TYW1: variants seen among roughly 807,000 people sequenced by gnomAD.
TYW1 encodes the protein tRNA-yW synthesizing protein 1 homolog.
A neutral mutation model predicts 96.2 loss-of-function variants in TYW1; 46 were observed. The ratio of observed to expected loss-of-function variants is 0.48; its 90% CI spans 0.38 to 0.61. The LOEUF is 0.61. Among genes scored for constraint, TYW1 ranks in the 20% least tolerant of loss-of-function variants. The pLI is 0.00. For missense variants in TYW1, 684 were observed against 909.6 expected (o/e 0.75, Z 3.19); for synonymous variants, 274 against 323.0 (o/e 0.85, Z 1.63).
chr7:67,235,663 G>C (rs534162309), intron 15 of TYW1, among the ~76,000 whole-genome samples: 27 of 152,070 alleles, frequency 1.8e-4, no homozygotes, highest in Non-Finnish European at 2.9e-4. Context: ...AGGCCGAGAT[G>C]GGCGGATCAC....
chr7:67,182,747 G>GAT (rs10626813), intron 13 of TYW1, among the ~76,000 whole-genome samples: 42,692 of 151,974 alleles, frequency 0.28, 6,492 homozygotes, highest in African/African-American at 0.4. Context: ...CAACTTGGGT[G>GAT]ATTATTACCT....
intron 7 of TYW1, among the ~76,000 whole-genome samples, chr7:67,033,134 C>T (rs190365773): frequency 2.0e-3 from 310 of 151,944 alleles, no homozygotes; most frequent in African/African-American, 6.8e-3. Flanking sequence ...TTACCTCAGG[C>T]GATCCTCCTG....
At chr7:67,076,328 A>C (rs995342748) in intron 10 of TYW1, among the ~76,000 whole-genome samples, 2 of 152,222 alleles carry the variant, frequency 1.3e-5, no homozygotes, top group Admixed American at 6.5e-5. Flanking sequence ...AGAAAGTAAA[A>C]AAATGGCCTT....
intron 11 of TYW1, among the ~76,000 whole-genome samples, chr7:67,084,370 CAT>C (rs753532661): frequency 5.9e-5 from 9 of 152,192 alleles, no homozygotes; most frequent in Non-Finnish European, 1.2e-4. Flanking sequence ...AATTCTGTCT[CAT>C]ATTAACAAAT....
chr7:67,144,493 C>G (rs1282045469), intron 13 of TYW1, among the ~76,000 whole-genome samples: 1 of 151,886 alleles, frequency 6.6e-6, no homozygotes, highest in Non-Finnish European at 1.5e-5. Context: ...TTTTTTTGAG[C>G]TGGAGTCTTG....
At chr7:67,134,541 CAA>C (rs397947738) in intron 13 of TYW1, among the ~76,000 whole-genome samples, 3 of 137,258 alleles carry the variant, frequency 2.2e-5, no homozygotes, top group Non-Finnish European at 3.2e-5. Flanking sequence ...GACTTCATCT[CAA>C]AAAAAAAAAA....
At chr7:67,176,023 C>T (rs191809409) in intron 13 of TYW1, among the ~76,000 whole-genome samples, 2,625 of 152,080 alleles carry the variant, frequency 0.017, 69 homozygotes, top group African/African-American at 0.059. Context: ...TGTAATTATT[C>T]GCTTTAATAA....
chr7:67,124,332 C>G (rs1478039582), intron 13 of TYW1, among the ~76,000 whole-genome samples: 7 of 152,156 alleles, frequency 4.6e-5, no homozygotes. Flanking sequence ...CTCCTGGACT[C>G]AAGCAATCCT....
In TYW1 at chr7:67,195,025, C is replaced by T. The variant is rs188055157; in HGVS notation, c.1810-145C>T. On this transcript the variant is annotated intron_variant, in intron 14 of 15. Transcript: ENST00000359626. ...GTATGGTCTCCTAGGCAGATTTTAT[C>T]ATCTCTATATTCACTTCCTTCACTG... 5.5e-5 allele frequency: 48 copies of T among 878,272 alleles called. No homozygotes were observed. In the Admixed American group the frequency reaches 1.0e-3, roughly 19 times the overall value. 54.4% of individuals were successfully genotyped at this position (878,272 alleles called of 1,614,324 possible).
chr7:67,155,924 G>T (rs1197747164), intron 13 of TYW1, among the ~76,000 whole-genome samples: 1 of 151,846 alleles, frequency 6.6e-6, no homozygotes, highest in South Asian at 2.1e-4. Flanking sequence ...AGTGGTTCTG[G>T]GTGGGCGCAG....
intron 15 of TYW1, among the ~76,000 whole-genome samples, chr7:67,235,904 A>AAAAG (rs1257660488): frequency 2.2e-5 from 3 of 136,742 alleles, no homozygotes; most frequent in South Asian, 2.4e-4. Context: ...AAAAAAAAAA[A>AAAAG]AAAAAAGAAA....
At chr7:67,222,750 A>G (rs1801431815) in intron 15 of TYW1, among the ~76,000 whole-genome samples, 1 of 150,108 alleles carries the variant, frequency 6.7e-6, no homozygotes, top group African/African-American at 2.5e-5. Context: ...TTTGACCATT[A>G]TTTCTTCAAG....
At chr7:67,134,439 G>T (rs1275957911) in intron 13 of TYW1, among the ~76,000 whole-genome samples, 1 of 151,928 alleles carries the variant, frequency 6.6e-6, no homozygotes, top group Non-Finnish European at 1.5e-5. Context: ...CTACTCAGGA[G>T]GCTGAGGCAG....
intron 7 of TYW1, among the ~76,000 whole-genome samples, chr7:67,043,967 C>G (rs186209191): frequency 2.1e-3 from 313 of 151,982 alleles, no homozygotes; most frequent in African/African-American, 6.8e-3. Context: ...AAATAGGAAT[C>G]TAAATGTGGG....
At chr7:67,111,002 C>T (rs377145621) in intron 12 of TYW1, among the ~76,000 whole-genome samples, 9 of 151,312 alleles carry the variant, frequency 5.9e-5, no homozygotes, top group East Asian at 3.9e-4. Context: ...GAGACCTTGT[C>T]GCAAAAAATA....
rs145743932 is a variant in TYW1, at chr7:67,005,732, T to C, written c.274-3851T>C. Among the ~76,000 whole-genome samples, 500 of 152,354 alleles carry C rather than the reference T, an allele frequency of 3.3e-3. 4 individuals are homozygous for C. The highest frequency in any genetic ancestry group is 0.011 in the African/African-American group (467 of 41,592). ...CTCTCAACTCAGCAACCTCAGTGACTGTTTGAAAACTTAGGTGAAGTCACG... is the reference window on the plus strand; with the variant it reads ...CTCTCAACTCAGCAACCTCAGTGACCGTTTGAAAACTTAGGTGAAGTCACG... On this transcript the variant is annotated intron_variant, in intron 3 of 15. Transcript: ENST00000359626.
At chr7:67,029,409 G>GTATATATATATATATATATATA in intron 7 of TYW1, among the ~76,000 whole-genome samples, 1 of 107,142 alleles carries the variant, frequency 9.3e-6, no homozygotes, top group Non-Finnish European at 1.9e-5. Context: ...GTGTGTGTGT[G>GTATATATATATATATATATATA]TGTGTGTATA....
intron 14 of TYW1, among the ~76,000 whole-genome samples, chr7:67,192,953 T>C (rs1181945328): frequency 6.6e-6 from 1 of 152,220 alleles, no homozygotes; most frequent in African/African-American, 2.4e-5. Flanking sequence ...TGTTTGATCA[T>C]GCTTGCTTGT....
Position 67,195,268 on chromosome 7 carries a change from T to C in TYW1, c.1908T>C (p.Asp636=). Residue 636 remains aspartate (D), a synonymous_variant, in exon 15 of 16, where the codon GAT becomes GAC. Coordinates refer to ENST00000359626, the MANE Select transcript of TYW1 (RefSeq NM_018264.4). ...EVVQFVHELV[D]LIPEYEIACE... is the part of the protein sequence containing the mutation. ...TACAGTTTGTCCACGAGTTGGTGGA[T>C]CTGATCCCCGAATATGAAATTGCAT... 1 of 1,607,004 alleles carries C rather than the reference T, an allele frequency of 6.2e-7. No homozygotes were observed.
Sources: gnomAD v4.1 joint callset for allele counts (sites outside exome capture counted in the v4.1 genomes callset) on GRCh38, gnomAD v4.1.1 for gene constraint, MANE v1.5 for transcripts, NCBI Gene and HGNC (gene_info 2026-07-23, HGNC 2026-07-21) for gene names.